Variants in CLASP1 observed in about 807,000 individuals in gnomAD.
CLASP1 encodes cytoplasmic linker associated protein 1.
CLASP1 carries 38 observed loss-of-function variants against 192.3 expected under a neutral mutation model. The observed-to-expected ratio is 0.20, with a 90% CI of 0.15 to 0.26. CLASP1 has a LOEUF of 0.26. Among genes scored for constraint, CLASP1 ranks in the 10% least tolerant of loss-of-function variants. The pLI is 1.00. For missense variants in CLASP1, 1,433 were observed against 1,932.5 expected, an observed-to-expected ratio of 0.74 and a Z score of 4.85; for synonymous variants, 691 against 712.8, an observed-to-expected ratio of 0.97 and a Z score of 0.49.
intron 6 of CLASP1, among the ~76,000 whole-genome samples, chr2:121,524,227 A>G (rs1417794596): frequency 6.6e-6 from 1 of 152,154 alleles, no homozygotes; most frequent in Admixed American, 6.5e-5. Flanking sequence ...AGAGCACTCC[A>G]TGTGGCGGCA....
At chr2:121,390,633 A>G (rs1341380234) in intron 30 of CLASP1, among the ~76,000 whole-genome samples, 2 of 152,238 alleles carry the variant, frequency 1.3e-5, no homozygotes, top group Non-Finnish European at 2.9e-5. Flanking sequence ...ATCAAAACAA[A>G]GCTTTACCAA....
At chr2:121,545,769 T>C (rs1201915993) in intron 2 of CLASP1, among the ~76,000 whole-genome samples, 1 of 152,132 alleles carries the variant, frequency 6.6e-6, no homozygotes, top group African/African-American at 2.4e-5. Flanking sequence ...CCACCAACTT[T>C]ATGAACACCA....
chr2:121,625,991 C>T (rs1450276295), intron 1 of CLASP1, among the ~76,000 whole-genome samples: 2 of 151,348 alleles, frequency 1.3e-5, no homozygotes, highest in East Asian at 3.9e-4. Flanking sequence ...CCCAGCTACT[C>T]GGGAGGCTGA....
At chr2:121,363,805 G>A (rs1223328467) in intron 36 of CLASP1, among the ~76,000 whole-genome samples, 1 of 152,186 alleles carries the variant, frequency 6.6e-6, no homozygotes, top group Non-Finnish European at 1.5e-5. Flanking sequence ...AGATCACTGG[G>A]TGTGTACAGG....
chr2:121,461,049 G>T, intron 11 of CLASP1, 52 bp downstream of exon 11: 1 of 1,055,718 alleles, frequency 9.5e-7, no homozygotes. Flanking sequence ...AAGTATTTGA[G>T]ATATTTAAAT....
intron 2 of CLASP1, among the ~76,000 whole-genome samples, chr2:121,580,340 A>G (rs573623633): frequency 6.6e-6 from 1 of 152,362 alleles, no homozygotes; most frequent in Non-Finnish European, 1.5e-5. Context: ...ATACCTTCTC[A>G]AAAGCACTTG....
At chr2:121,384,609 T>C (rs187548131) in intron 32 of CLASP1, among the ~76,000 whole-genome samples, 1 of 152,286 alleles carries the variant, frequency 6.6e-6, no homozygotes, top group African/African-American at 2.4e-5. Context: ...CAGTTAAAAT[T>C]AGACTTAAAA....
chr2:121,604,274 G>A (rs182333812), intron 2 of CLASP1, among the ~76,000 whole-genome samples: 17 of 152,240 alleles, frequency 1.1e-4, no homozygotes, highest in Admixed American at 1.0e-3. Flanking sequence ...TTTAACACTC[G>A]CACCATCCAG....
Position 121,372,184 on chromosome 2 carries a change from A to G in CLASP1, c.3643-4353T>C, listed in dbSNP as rs184648165. Among the ~76,000 whole-genome samples, 8 of 152,354 alleles carry G rather than the reference A, an allele frequency of 5.3e-5. No homozygotes were observed. In the East Asian group the frequency reaches 1.5e-3, roughly 29 times the overall value. ...AATGTGGATAATAAGCAAATAATCC[A>G]ATGGAGCCCTTTCATTTCATATGTG... On this transcript the variant is annotated intron_variant, in intron 34 of 39. Transcript: ENST00000263710.
intron 19 of CLASP1, among the ~76,000 whole-genome samples, chr2:121,430,764 T>C (rs2081255444): frequency 1.3e-5 from 2 of 151,878 alleles, no homozygotes; most frequent in South Asian, 2.1e-4. Flanking sequence ...GTTTCTAAGA[T>C]AAAGAAAAGA....
At chr2:121,572,122 G>A (rs1430705277) in intron 2 of CLASP1, among the ~76,000 whole-genome samples, 1 of 152,194 alleles carries the variant, frequency 6.6e-6, no homozygotes, top group Non-Finnish European at 1.5e-5. Flanking sequence ...GGTCTGACAG[G>A]TAGACACTTC....
intron 34 of CLASP1, among the ~76,000 whole-genome samples, chr2:121,374,217 G>A (rs1345367081): frequency 6.6e-6 from 1 of 152,234 alleles, no homozygotes; most frequent in African/African-American, 2.4e-5. Context: ...GTACAGCTTG[G>A]GCCATTGTTT....
chr2:121,643,219 C>A (rs1237027410), intron 1 of CLASP1, among the ~76,000 whole-genome samples: 2 of 152,078 alleles, frequency 1.3e-5, no homozygotes, highest in Non-Finnish European at 2.9e-5. Flanking sequence ...TTTTTCTATT[C>A]TTTTCTTTAA....
intron 34 of CLASP1, 47 bp downstream of exon 35, chr2:121,377,452 T>G: frequency 7.2e-7 from 1 of 1,395,398 alleles, no homozygotes; most frequent in Admixed American, 2.0e-5. Context: ...TCTCATTATC[T>G]GTCATTTAAC....
intron 12 of CLASP1, 54 bp downstream of exon 12, chr2:121,459,926 A>G (rs111265530): frequency 1.7e-5 from 25 of 1,504,814 alleles, no homozygotes; most frequent in African/African-American, 4.2e-5. Flanking sequence ...ACATCTCTGA[A>G]GCTCTGTGGT....
intron 2 of CLASP1, among the ~76,000 whole-genome samples, chr2:121,576,349 T>G: frequency 6.6e-6 from 1 of 152,364 alleles, no homozygotes; most frequent in East Asian, 1.9e-4. Flanking sequence ...ATCTAGGTTA[T>G]GGGATTTCAA....
intron 23 of CLASP1, among the ~76,000 whole-genome samples, chr2:121,411,419 G>C (rs2077688151): frequency 6.6e-6 from 1 of 152,096 alleles, no homozygotes; most frequent in South Asian, 2.1e-4. Context: ...TGATTTCTGT[G>C]CAAATTTTTA....
At chr2:121,597,700 G>A (rs2063300245) in intron 2 of CLASP1, among the ~76,000 whole-genome samples, 1 of 152,220 alleles carries the variant, frequency 6.6e-6, no homozygotes, top group South Asian at 2.1e-4. Flanking sequence ...CTGTGGGACT[G>A]TATTCACAAA....
chr2:121,562,945 A>G (rs377695467), intron 2 of CLASP1, among the ~76,000 whole-genome samples: 14 of 152,140 alleles, frequency 9.2e-5, no homozygotes, highest in East Asian at 3.8e-4. Context: ...TTGAGTCCCA[A>G]TGACAGTCCC....
Sources: gnomAD v4.1 joint callset for allele counts (sites outside exome capture counted in the v4.1 genomes callset) on GRCh38, gnomAD v4.1.1 for gene constraint, MANE v1.5 for transcripts, NCBI Gene and HGNC (gene_info 2026-07-23, HGNC 2026-07-21) for gene names.